Variants in PLCB1 observed in about 807,000 individuals in gnomAD.
PLCB1 encodes the protein phospholipase C beta 1, also known as 1-phosphatidylinositol 4,5-bisphosphate phosphodiesterase beta-1.
Under a neutral mutation model 161.8 loss-of-function variants are expected in PLCB1, and 46 were observed. The observed-to-expected ratio is 0.28, with a 90% CI of 0.22 to 0.36. The LOEUF (loss-of-function observed/expected upper bound fraction) is 0.36, where lower values mean the gene tolerates loss of function less well. Among genes scored for constraint, PLCB1 ranks in the 10% least tolerant of loss-of-function variants. The pLI is 1.00. For missense variants in PLCB1, 1,016 were observed against 1,472.5 expected (o/e 0.69, Z 5.07); for synonymous variants, 517 against 503.7 (o/e 1.03, Z -0.35).
At chr20:8,214,966 C>G (rs1282927588) in intron 2 of PLCB1, among the ~76,000 whole-genome samples, 1 of 152,078 alleles carries the variant, frequency 6.6e-6, no homozygotes, top group Non-Finnish European at 1.5e-5. Flanking sequence ...GCAGTTATTG[C>G]TGAAATAGGT....
rs2076413 is a variant in PLCB1 at position 8,757,087 on chromosome 20, G to C, written c.2565G>C (p.Ala855=). Residue 855 remains alanine (A), a synonymous_variant, in exon 24 of 32, where the codon GCG becomes GCC. Coordinates refer to ENST00000338037, the MANE Select transcript of PLCB1 (RefSeq NM_015192.4). ...GETPSEAPSE[A]RTTPAENGVN... is the part of the protein sequence containing the mutation. Reference sequence around the variant, plus strand: ...CACCATCAGAGGCTCCAAGTGAAGCGAGAACGACTCCAGCAGAAAATGGGG... The same window carrying C: ...CACCATCAGAGGCTCCAAGTGAAGCCAGAACGACTCCAGCAGAAAATGGGG... 6.2e-6 allele frequency: 10 copies of C among 1,612,728 alleles called. No homozygotes were observed. Among genetic ancestry groups the C allele is most frequent in the Non-Finnish European group, 8.5e-6 (10 of 1,179,184 alleles).
chr20:8,692,825 G>T (rs558692354), intron 10 of PLCB1, among the ~76,000 whole-genome samples: 2 of 152,202 alleles, frequency 1.3e-5, no homozygotes, highest in East Asian at 3.9e-4. Context: ...GTTCCTAGAG[G>T]TTCCCTGACA....
intron 24 of PLCB1, 124 bp downstream of exon 24, chr20:8,757,302 A>T: frequency 1.0e-6 from 1 of 965,922 alleles, no homozygotes; most frequent in African/African-American, 1.6e-5. Context: ...TGGACTTAGG[A>T]GGAGCTCCGT....
intron 2 of PLCB1, among the ~76,000 whole-genome samples, chr20:8,320,505 G>T (rs1411292075): frequency 6.6e-6 from 1 of 152,196 alleles, no homozygotes; most frequent in Non-Finnish European, 1.5e-5. Flanking sequence ...AGGCAGGAAA[G>T]CTCCAGGCTC....
intron 3 of PLCB1, among the ~76,000 whole-genome samples, chr20:8,453,545 G>C (rs1426229799): frequency 6.6e-6 from 1 of 152,146 alleles, no homozygotes; most frequent in African/African-American, 2.4e-5. Flanking sequence ...TAGGGCCTGG[G>C]GATGTAAAAG....
At chr20:8,730,089 A>G (rs1980154924) in intron 18 of PLCB1, among the ~76,000 whole-genome samples, 2 of 151,848 alleles carry the variant, frequency 1.3e-5, no homozygotes, top group South Asian at 2.1e-4. Context: ...TTGTTGATTT[A>G]TAACAGCACT....
chr20:8,758,278 A>G (rs1981841667), intron 24 of PLCB1, among the ~76,000 whole-genome samples: 1 of 151,824 alleles, frequency 6.6e-6, no homozygotes, highest in Admixed American at 6.6e-5. Context: ...ACACGCTTGA[A>G]CTGCTTTTTA....
chr20:8,402,255 A>G (rs1288176913), intron 3 of PLCB1, among the ~76,000 whole-genome samples: 1 of 152,094 alleles, frequency 6.6e-6, no homozygotes, highest in Non-Finnish European at 1.5e-5. Flanking sequence ...TCTTTAAGTG[A>G]TGAGATTAAT....
intron 4 of PLCB1, among the ~76,000 whole-genome samples, chr20:8,643,659 G>A (rs934123322): frequency 1.3e-5 from 2 of 152,156 alleles, no homozygotes; most frequent in Admixed American, 1.3e-4. Context: ...GGAGGCTGAG[G>A]CGGGTGGATC....
chr20:8,339,635 T>C (rs938519775), intron 2 of PLCB1, among the ~76,000 whole-genome samples: 1 of 152,222 alleles, frequency 6.6e-6, no homozygotes, highest in Admixed American at 6.5e-5. Context: ...TGTGTATTCA[T>C]ACAGCTTCAC....
chr20:8,819,432 C>A (rs1364168131), intron 31 of PLCB1, among the ~76,000 whole-genome samples: 1 of 151,890 alleles, frequency 6.6e-6, no homozygotes. Context: ...TGTAGAATAC[C>A]TTTGTGCATT....
At chr20:8,749,126 A>G (rs886693070) in intron 23 of PLCB1, among the ~76,000 whole-genome samples, 9 of 152,186 alleles carry the variant, frequency 5.9e-5, no homozygotes, top group Non-Finnish European at 8.8e-5. Flanking sequence ...TTTAGCATGT[A>G]CCAGAATCAC....
intron 31 of PLCB1, among the ~76,000 whole-genome samples, chr20:8,851,858 A>T (rs904495378): frequency 1.3e-5 from 2 of 152,076 alleles, no homozygotes; most frequent in African/African-American, 4.8e-5. Context: ...AGTTACCCTT[A>T]ACCCTGGCAT....
chr20:8,644,593 G>T (rs568327791), intron 4 of PLCB1, among the ~76,000 whole-genome samples: 1 of 150,472 alleles, frequency 6.6e-6, no homozygotes, highest in Admixed American at 6.6e-5. Context: ...GAGCCCCTCC[G>T]CCTGGCAGCT....
intron 31 of PLCB1, among the ~76,000 whole-genome samples, chr20:8,861,028 A>G (rs1394321987): frequency 6.6e-6 from 1 of 152,198 alleles, no homozygotes; most frequent in Non-Finnish European, 1.5e-5. Flanking sequence ...AAATAAATAT[A>G]CATATTTTAG....
chr20:8,237,331 C>G (rs904781713), intron 2 of PLCB1, among the ~76,000 whole-genome samples: 3 of 151,826 alleles, frequency 2.0e-5, no homozygotes, highest in Non-Finnish European at 4.4e-5. Flanking sequence ...TGTTCATGCT[C>G]TAGTGTCAAG....
At chr20:8,524,920 C>T (rs1984522018) in intron 3 of PLCB1, among the ~76,000 whole-genome samples, 1 of 152,170 alleles carries the variant, frequency 6.6e-6, no homozygotes, top group African/African-American at 2.4e-5. Context: ...CAGCTGGGAA[C>T]ATTACTGCAC....
At chr20:8,203,822 C>T (rs1363060177) in intron 2 of PLCB1, among the ~76,000 whole-genome samples, 1 of 152,086 alleles carries the variant, frequency 6.6e-6, no homozygotes, top group Non-Finnish European at 1.5e-5. Context: ...AGTGTTCTTG[C>T]CCTTGAATTG....
intron 2 of PLCB1, among the ~76,000 whole-genome samples, chr20:8,328,995 T>C (rs939190708): frequency 6.6e-6 from 1 of 152,198 alleles, no homozygotes; most frequent in African/African-American, 2.4e-5. Context: ...AACAATATCT[T>C]CCAGTGTCAA....
Sources: allele counts gnomAD v4.1 joint callset (sites outside exome capture counted in the v4.1 genomes callset), GRCh38; gene constraint gnomAD v4.1.1; transcripts MANE v1.5; gene names NCBI Gene and HGNC (gene_info 2026-07-23, HGNC 2026-07-21).